The following GLTP variants were observed in gnomAD, a reference collection of about 807,000 sequenced individuals.
The protein encoded by GLTP is glycolipid transfer protein.
GLTP carries 22 observed loss-of-function variants against 24.0 expected under a neutral mutation model. The ratio of observed to expected loss-of-function variants is 0.92; its 90% CI spans 0.65 to 1.31. The LOEUF (loss-of-function observed/expected upper bound fraction) is 1.31. GLTP is among the 50% of genes most tolerant of loss of function. The pLI, the probability that GLTP is intolerant of heterozygous loss-of-function variation, is 0.00. For missense variants in GLTP, 224 were observed against 276.6 expected (o/e 0.81, Z 1.35); for synonymous variants, 92 against 115.9 (o/e 0.79, Z 1.33).
intron 4 of GLTP, among the ~76,000 whole-genome samples, chr12:109,853,178 T>TCCCTCTGGGTTC (rs1374686568): frequency 5.3e-5 from 8 of 152,126 alleles, no homozygotes; most frequent in Admixed American, 6.6e-5. Flanking sequence ...GTGAGTCTCT[T>TCCCTCTGGGTTC]CCCTCTGGGT....
chr12:109,871,609 C>G (rs931560236), intron 1 of GLTP, among the ~76,000 whole-genome samples: 1 of 152,196 alleles, frequency 6.6e-6, no homozygotes, highest in Non-Finnish European at 1.5e-5. Flanking sequence ...GATCAAATCG[C>G]TTCACCTCCC....
At chr12:109,864,735 G>A (rs2136045901) in intron 1 of GLTP, among the ~76,000 whole-genome samples, 1 of 152,332 alleles carries the variant, frequency 6.6e-6, no homozygotes, top group African/African-American at 2.4e-5. Flanking sequence ...TGAACTCAAA[G>A]AATGTTTCTT....
At chr12:109,869,321 G>GA (rs554456733) in intron 1 of GLTP, among the ~76,000 whole-genome samples, 5,426 of 115,952 alleles carry the variant, frequency 0.047, 331 homozygotes, top group African/African-American at 0.12. Context: ...AAAAAAAAAA[G>GA]AAAGAAAGAA....
intron 2 of GLTP, chr12:109,858,186 T>C (rs755050171): frequency 3.3e-5 from 15 of 457,112 alleles, no homozygotes; most frequent in Middle Eastern, 3.2e-4. Context: ...GAGTCTCAGC[T>C]TCCTCATCTG....
chr12:109,870,340 C>A (rs1388052625), intron 1 of GLTP, among the ~76,000 whole-genome samples: 1 of 151,980 alleles, frequency 6.6e-6, no homozygotes, highest in Non-Finnish European at 1.5e-5. Context: ...GTGGTGTGTG[C>A]CTATAATTCC....
intron 1 of GLTP, 34 bp from the exon 2 acceptor site, chr12:109,858,775 G>A (rs759717540): frequency 3.3e-5 from 49 of 1,473,448 alleles, no homozygotes; most frequent in Admixed American, 6.7e-5. Flanking sequence ...ATTGAGATTC[G>A]CAGCAAGAGT....
intron 1 of GLTP, among the ~76,000 whole-genome samples, chr12:109,872,574 C>T (rs1868758514): frequency 6.6e-6 from 1 of 152,180 alleles, no homozygotes; most frequent in Non-Finnish European, 1.5e-5. Context: ...CCAGATTGTT[C>T]TCTGGCCAGG....
intron 1 of GLTP, among the ~76,000 whole-genome samples, chr12:109,861,897 G>C (rs939565395): frequency 6.6e-6 from 1 of 152,214 alleles, no homozygotes; most frequent in Non-Finnish European, 1.5e-5. Context: ...GAAGCCACAG[G>C]ATTCCCCAGA....
rs1011493920 is a variant in GLTP at position 109,860,607 on chromosome 12, T to C, written c.104-1866A>G. ...ATCCTCCCGCCTCAGCCTCCCAAAG[T>C]GCTGGGATTAGAGGGATACACCATC... On this transcript the variant is annotated intron_variant, in intron 1 of 4. Coordinates refer to ENST00000318348, the MANE Select transcript of GLTP (RefSeq NM_016433.4). Among the ~76,000 whole-genome samples, 15 of 152,216 alleles carry C rather than the reference T, an allele frequency of 9.9e-5. No individual in the cohort carries two copies. The South Asian group carries it at 2.7e-3, about 27-fold the overall frequency.
chr12:109,876,270 G>A (rs1180210165), intron 1 of GLTP, among the ~76,000 whole-genome samples: 2 of 152,136 alleles, frequency 1.3e-5, no homozygotes, highest in Admixed American at 1.3e-4. Flanking sequence ...TTGAACCCAG[G>A]AGGTGGAGGT....
chr12:109,862,092 G>A (rs1018803946), intron 1 of GLTP, among the ~76,000 whole-genome samples: 2 of 152,200 alleles, frequency 1.3e-5, no homozygotes, highest in Admixed American at 1.3e-4. Context: ...CGTCTGCAGA[G>A]GCAAATCTCC....
chr12:109,856,305 G>A (rs193084687), intron 3 of GLTP, among the ~76,000 whole-genome samples: 2 of 152,254 alleles, frequency 1.3e-5, no homozygotes, highest in African/African-American at 4.8e-5. Flanking sequence ...ATGGCCACTC[G>A]AGCTTTTCCT....
At chr12:109,865,424 C>T (rs1868490779) in intron 1 of GLTP, among the ~76,000 whole-genome samples, 1 of 151,984 alleles carries the variant, frequency 6.6e-6, no homozygotes, top group Admixed American at 6.6e-5. Context: ...ATCCGGAGTT[C>T]AAGACCAGCC....
At chr12:109,860,860 CT>C (rs1565898124) in intron 1 of GLTP, among the ~76,000 whole-genome samples, 3 of 152,226 alleles carry the variant, frequency 2.0e-5, no homozygotes, top group Non-Finnish European at 2.9e-5. Flanking sequence ...CACAGGACAT[CT>C]TGCCCCTTAC....
intron 2 of GLTP, chr12:109,858,153 T>G (rs1892824071): frequency 4.4e-6 from 2 of 457,378 alleles, no homozygotes; most frequent in South Asian, 3.1e-5. Context: ...CTTGTGACCT[T>G]AAGCGAGTCC....
Position 109,880,149 on chromosome 12 carries a change from G to T in GLTP, c.103+123C>A. 2 of 596,878 alleles carry T rather than the reference G, an allele frequency of 3.4e-6. No individual in the cohort carries two copies. Among genetic ancestry groups the T allele is most frequent in the Non-Finnish European group, 3.0e-6 (1 of 332,266 alleles). The allele number at this position is 596,878 out of a possible 1,614,324, so 37.0% of individuals were successfully genotyped here. ...GGTGAGTGGAGGGAAAGAGGATCTT[G>T]GGTGCCTGGGGAAACAGTACTTAGG... On this transcript the variant is annotated intron_variant, in intron 1 of 4. Transcript: ENST00000318348. This position sits in a 1 kb window ranked among gnomAD's most constrained non-coding sequence, Gnocchi z 5.1.
At chr12:109,871,736 G>A (rs867589574) in intron 1 of GLTP, among the ~76,000 whole-genome samples, 4 of 152,236 alleles carry the variant, frequency 2.6e-5, no homozygotes, top group Non-Finnish European at 4.4e-5. Flanking sequence ...ACTCAAAATA[G>A]AGATGATGCT....
At chr12:109,861,225 T>C (rs1010216467) in intron 1 of GLTP, among the ~76,000 whole-genome samples, 9 of 152,206 alleles carry the variant, frequency 5.9e-5, no homozygotes, top group Admixed American at 5.9e-4. Flanking sequence ...AACATTCTAA[T>C]TGCAGCTATG....
intron 1 of GLTP, among the ~76,000 whole-genome samples, chr12:109,872,855 C>T (rs1346995946): frequency 6.6e-6 from 1 of 152,222 alleles, no homozygotes; most frequent in Non-Finnish European, 1.5e-5. Flanking sequence ...TGATAACTCA[C>T]CTGCTATATT....
Sources: allele counts gnomAD v4.1 joint callset (sites outside exome capture counted in the v4.1 genomes callset), GRCh38; gene constraint gnomAD v4.1.1; non-coding constraint Gnocchi (gnomAD v3.1); transcripts MANE v1.5; gene names NCBI Gene and HGNC (gene_info 2026-07-23, HGNC 2026-07-21).